NRXN1: variants seen among roughly 807,000 people sequenced by gnomAD.
NRXN1 encodes the protein neurexin-1.
Under a neutral mutation model 150.9 loss-of-function variants are expected in NRXN1, and 39 were observed. The ratio of observed to expected loss-of-function variants is 0.26; its 90% CI spans 0.20 to 0.34. NRXN1 has a LOEUF of 0.34. Among genes scored for constraint, NRXN1 ranks in the 10% least tolerant of loss-of-function variants. The pLI is 1.00. For missense variants in NRXN1, 1,815 were observed against 1,949.9 expected, an observed-to-expected ratio of 0.93 and a Z score of 1.30; for synonymous variants, 924 against 757.0, an observed-to-expected ratio of 1.22 and a Z score of -3.62.
intron 5 of NRXN1, among the ~76,000 whole-genome samples, chr2:50,802,632 G>T (rs1026107848): frequency 3.3e-5 from 5 of 151,646 alleles, no homozygotes; most frequent in Non-Finnish European, 7.4e-5. Flanking sequence ...AAAGAAAGAA[G>T]GGAGGGAGGA....
rs368860118 is a variant in NRXN1 at position 50,629,616 on chromosome 2, C to G, written c.833-6001G>C. On this transcript the variant is annotated intron_variant, in intron 5 of 22. Coordinates refer to ENST00000401669, the MANE Select transcript of NRXN1 (RefSeq NM_001330078.2). ...ATTTATCAGCATAAATACTATATTT[C>G]AATAAAATGTTTGAATAATCTGGAT... 3.3e-4 allele frequency among the ~76,000 whole-genome samples: 50 copies of G among 151,616 alleles called. 1 individual carries two copies. The highest frequency in any genetic ancestry group is 1.2e-3 in the African/African-American group (49 of 41,474).
intron 5 of NRXN1, among the ~76,000 whole-genome samples, chr2:50,753,820 T>A (rs1323780870): frequency 6.6e-6 from 1 of 151,720 alleles, no homozygotes; most frequent in African/African-American, 2.4e-5. Flanking sequence ...AGTGAGAGAA[T>A]TTTTTACTGC....
chr2:50,401,028 T>C (rs1350786128), intron 17 of NRXN1, among the ~76,000 whole-genome samples: 1 of 152,114 alleles, frequency 6.6e-6, no homozygotes, highest in East Asian at 1.9e-4. Flanking sequence ...TGAAATATTG[T>C]GGACCTTTTC....
At chr2:50,963,458 T>C (rs1254025891) in intron 2 of NRXN1, among the ~76,000 whole-genome samples, 1 of 151,702 alleles carries the variant, frequency 6.6e-6, no homozygotes, top group Non-Finnish European at 1.5e-5. Flanking sequence ...TGTATCTTTG[T>C]ATATGCCAAA....
At chr2:50,542,389 A>C (rs948703440) in intron 9 of NRXN1, among the ~76,000 whole-genome samples, 2 of 152,174 alleles carry the variant, frequency 1.3e-5, no homozygotes, top group Non-Finnish European at 2.9e-5. Context: ...TCCAAGAAAG[A>C]CTAGAACTTA....
chr2:50,481,144 A>G (rs368023420), intron 15 of NRXN1, among the ~76,000 whole-genome samples: 1 of 152,240 alleles, frequency 6.6e-6, no homozygotes, highest in African/African-American at 2.4e-5. Flanking sequence ...TTCTGAAACT[A>G]TGTTAATTGT....
At chr2:50,706,229 A>T (rs1694417216) in intron 5 of NRXN1, among the ~76,000 whole-genome samples, 1 of 152,190 alleles carries the variant, frequency 6.6e-6, no homozygotes, top group African/African-American at 2.4e-5. Flanking sequence ...AAGTAATGTA[A>T]GTGAACTCTC....
At chr2:50,115,436 T>C (rs1702928938) in intron 18 of NRXN1, among the ~76,000 whole-genome samples, 1 of 151,778 alleles carries the variant, frequency 6.6e-6, no homozygotes. Context: ...ATCGAAACAA[T>C]GTATATGTAC....
At chr2:50,528,686 C>A in intron 11 of NRXN1, 35 bp from the exon 12 acceptor site, 1 of 1,438,792 alleles carries the variant, frequency 7.0e-7, no homozygotes, top group Admixed American at 1.8e-5. Context: ...AATGAAAATT[C>A]ATCCTTCAAG....
At chr2:50,858,881 C>A (rs1260349307) in intron 5 of NRXN1, among the ~76,000 whole-genome samples, 1 of 152,034 alleles carries the variant, frequency 6.6e-6, no homozygotes, top group Non-Finnish European at 1.5e-5. Flanking sequence ...AAGTGGCCAT[C>A]AGTAGAGATT....
chr2:50,503,262 C>T (rs575915995), intron 13 of NRXN1, among the ~76,000 whole-genome samples: 4 of 150,838 alleles, frequency 2.7e-5, no homozygotes. Context: ...GAGCTGAGAT[C>T]ACTCCACTGC....
At chr2:50,228,623 A>C (rs750400039) in intron 18 of NRXN1, among the ~76,000 whole-genome samples, 2 of 152,012 alleles carry the variant, frequency 1.3e-5, no homozygotes, top group Non-Finnish European at 2.9e-5. Context: ...TGATAGCTAA[A>C]ATTCAGAGTA....
intron 17 of NRXN1, among the ~76,000 whole-genome samples, chr2:50,336,886 G>C (rs745530630): frequency 6.6e-6 from 1 of 151,998 alleles, no homozygotes; most frequent in Non-Finnish European, 1.5e-5. Context: ...GGAAGATAAA[G>C]ATAAGGCATT....
intron 17 of NRXN1, among the ~76,000 whole-genome samples, chr2:50,410,879 C>A (rs888917549): frequency 2.6e-5 from 4 of 152,190 alleles, no homozygotes; most frequent in African/African-American, 9.6e-5. Flanking sequence ...GAGAAGGAGG[C>A]AAGTTCCTAG....
intron 2 of NRXN1, among the ~76,000 whole-genome samples, chr2:51,014,962 T>C (rs1288204727): frequency 3.9e-5 from 6 of 152,056 alleles, no homozygotes; most frequent in Non-Finnish European, 2.9e-5. Flanking sequence ...AAAGAATGAT[T>C]ATATTTTCTG....
intron 14 of NRXN1, among the ~76,000 whole-genome samples, 174 bp downstream of exon 14, chr2:50,497,159 A>G (rs2091682393): frequency 6.6e-6 from 1 of 152,136 alleles, no homozygotes; most frequent in Admixed American, 6.5e-5. Context: ...CTAAATCCAT[A>G]TTAATTTAAG....
intron 22 of NRXN1, among the ~76,000 whole-genome samples, chr2:49,933,650 T>G (rs182340374): frequency 3.3e-5 from 1 of 30,266 alleles, no homozygotes; most frequent in African/African-American, 1.4e-4. Context: ...GACACATAAA[T>G]TATTTATATC....
At chr2:50,183,186 A>G (rs137908889) in intron 18 of NRXN1, among the ~76,000 whole-genome samples, 1,579 of 152,218 alleles carry the variant, frequency 0.01, 10 homozygotes, top group South Asian at 0.024. Flanking sequence ...TAAAGCTATC[A>G]TTTATTTTTT....
At chr2:50,472,099 T>G (rs530145971) in intron 16 of NRXN1, among the ~76,000 whole-genome samples, 199 bp downstream of exon 16, 14 of 151,536 alleles carry the variant, frequency 9.2e-5, no homozygotes, top group Admixed American at 4.0e-4. Context: ...CCATTTTACA[T>G]TGGGCATTAA....
Sources: allele counts gnomAD v4.1 joint callset (sites outside exome capture counted in the v4.1 genomes callset), GRCh38; gene constraint gnomAD v4.1.1; transcripts MANE v1.5; gene names NCBI Gene and HGNC (gene_info 2026-07-23, HGNC 2026-07-21).